CAMTA1: variants seen among roughly 807,000 people sequenced by gnomAD.
The protein encoded by CAMTA1 is calmodulin binding transcription activator 1, also known as calmodulin-binding transcription activator 1.
In CAMTA1, 27 loss-of-function variants were observed where a neutral mutation model predicts 170.9. The observed-to-expected ratio is 0.16, with a 90% confidence interval of 0.12 to 0.22. CAMTA1 has a LOEUF of 0.22. CAMTA1 is among the 10% of genes least tolerant of loss of function. CAMTA1 has a pLI of 1.00. For synonymous variants in CAMTA1, 833 were observed against 891.5 expected (o/e 0.93, Z 1.17); for missense variants, 1,619 against 2,217.2 (o/e 0.73, Z 5.42).
chr1:7,326,423 C>T (rs542171104), intron 5 of CAMTA1, among the ~76,000 whole-genome samples: 13 of 152,294 alleles, frequency 8.5e-5, no homozygotes, highest in Non-Finnish European at 1.8e-4. Flanking sequence ...AGTCCTAAGT[C>T]CCAGCACCTG....
intron 3 of CAMTA1, among the ~76,000 whole-genome samples, chr1:6,919,652 G>C (rs10864246): frequency 0.7 from 105,792 of 152,012 alleles, 37,031 homozygotes; most frequent in Admixed American, 0.76. Context: ...AAGACATACC[G>C]AAGACTGGGC....
intron 11 of CAMTA1, among the ~76,000 whole-genome samples, chr1:7,721,122 T>C (rs1311468105): frequency 6.6e-6 from 1 of 152,158 alleles, no homozygotes; most frequent in Non-Finnish European, 1.5e-5. Flanking sequence ...GTCCCTGCTT[T>C]CAAAAAGCTC....
At chr1:7,127,843 C>T (rs1645022239) in intron 4 of CAMTA1, among the ~76,000 whole-genome samples, 1 of 152,212 alleles carries the variant, frequency 6.6e-6, no homozygotes, top group African/African-American at 2.4e-5. Context: ...TCAGGCCTAT[C>T]CTTAGGAAGG....
intron 4 of CAMTA1, among the ~76,000 whole-genome samples, chr1:7,175,682 G>A (rs1376980823): frequency 4.6e-5 from 7 of 152,248 alleles, no homozygotes; most frequent in African/African-American, 1.7e-4. Flanking sequence ...TATCCCCTGG[G>A]ATCAAACCGT....
rs568537547 is a variant in CAMTA1, at chr1:7,421,238, C to T, written c.439-46592C>T. ...CATGATCTCAGTTCACTGCAACCTC[C>T]ACCTCCTGGATTCAAGCAATTCTCC... is the stretch of plus-strand genomic sequence containing the variant. On this transcript the variant is annotated intron_variant, in intron 5 of 22. Transcript: ENST00000303635. 2.6e-3 allele frequency among the ~76,000 whole-genome samples: 393 copies of T among 151,880 alleles called. 4 individuals are homozygous for T. Among genetic ancestry groups the T allele is most frequent in the African/African-American group, 9.0e-3 (373 of 41,398 alleles).
intron 5 of CAMTA1, among the ~76,000 whole-genome samples, chr1:7,269,874 G>A (rs1669441336): frequency 6.6e-6 from 1 of 152,046 alleles, no homozygotes; most frequent in Non-Finnish European, 1.5e-5. Flanking sequence ...AGAAGCAGGA[G>A]AAATACAAAG....
At chr1:6,851,565 A>G (rs1660363175) in intron 3 of CAMTA1, among the ~76,000 whole-genome samples, 1 of 152,202 alleles carries the variant, frequency 6.6e-6, no homozygotes, top group Non-Finnish European at 1.5e-5. Context: ...CCAGAAATCT[A>G]AGATAAGGAG....
chr1:7,616,640 G>A (rs1420090425), intron 6 of CAMTA1, among the ~76,000 whole-genome samples: 1 of 152,150 alleles, frequency 6.6e-6, no homozygotes, highest in East Asian at 1.9e-4. Flanking sequence ...GAATCCTGAG[G>A]GGGAATGGAG....
At chr1:7,423,856 A>G (rs1262181463) in intron 5 of CAMTA1, among the ~76,000 whole-genome samples, 1 of 152,182 alleles carries the variant, frequency 6.6e-6, no homozygotes, top group African/African-American at 2.4e-5. Context: ...CAGATGGAAA[A>G]TAAAGCAAGG....
chr1:7,166,201 G>A (rs2148797195), intron 4 of CAMTA1, among the ~76,000 whole-genome samples: 1 of 152,030 alleles, frequency 6.6e-6, no homozygotes, highest in Admixed American at 6.6e-5. Context: ...CGAGTAGCTG[G>A]GACTACAGGT....
rs1234912956 is a variant in CAMTA1 at position 7,633,135 on chromosome 1, G to A, written c.511-7265G>A. On this transcript the variant is annotated intron_variant, in intron 6 of 22. Coordinates refer to ENST00000303635, the MANE Select transcript of CAMTA1 (RefSeq NM_015215.4). The surrounding 1 kb of genome is among the most constrained non-coding windows in gnomAD (Gnocchi z 4.1). ...CTTTTGGAGGAAAGGCCCTCAGCTT[G>A]TCCCCCGTCCTCTCTTTGTCCCTGC... is the stretch of plus-strand genomic sequence containing the variant. Among the ~76,000 whole-genome samples the A allele has an allele frequency of 6.6e-6, 1 of 152,226 alleles. No homozygotes were observed. Among genetic ancestry groups the A allele is most frequent in the East Asian group, 1.9e-4 (1 of 5,188 alleles).
intron 6 of CAMTA1, among the ~76,000 whole-genome samples, chr1:7,526,001 G>T (rs1323800367): frequency 6.6e-6 from 1 of 151,566 alleles, no homozygotes. Flanking sequence ...ATTTAAGGTG[G>T]TACAAAAAAA....
chr1:7,649,548 C>T (rs967647070), intron 7 of CAMTA1, among the ~76,000 whole-genome samples: 3 of 151,694 alleles, frequency 2.0e-5, no homozygotes, highest in East Asian at 1.9e-4. Context: ...AGGGTGGGCA[C>T]GGAGAGGCTG....
chr1:6,975,118 G>A (rs540396669), intron 3 of CAMTA1, among the ~76,000 whole-genome samples: 1 of 152,314 alleles, frequency 6.6e-6, no homozygotes, highest in Non-Finnish European at 1.5e-5. Context: ...AGATGACGGG[G>A]CCTGCCTCGA....
chr1:6,899,552 GCGCACACACACA>G (rs1206999158), intron 3 of CAMTA1, among the ~76,000 whole-genome samples: 126 of 104,782 alleles, frequency 1.2e-3, no homozygotes, highest in African/African-American at 2.8e-3. Context: ...GCACGCGCGC[GCGCACACACACA>G]CACACACACA....
intron 4 of CAMTA1, among the ~76,000 whole-genome samples, chr1:7,094,209 G>A (rs1641803166): frequency 6.6e-6 from 1 of 152,160 alleles, no homozygotes; most frequent in African/African-American, 2.4e-5. Context: ...AACTTGCTGT[G>A]GTTGTTCAAG....
At chr1:7,678,139 A>G (rs2096142391) in intron 11 of CAMTA1, among the ~76,000 whole-genome samples, 1 of 152,214 alleles carries the variant, frequency 6.6e-6, no homozygotes, top group Admixed American at 6.5e-5. Flanking sequence ...GGAAGCAAAA[A>G]GGGTTCCCAG....
intron 1 of CAMTA1, among the ~76,000 whole-genome samples, chr1:6,808,634 G>A (rs1202815275): frequency 6.6e-6 from 1 of 152,190 alleles, no homozygotes; most frequent in East Asian, 1.9e-4. Context: ...GTTTGCATTG[G>A]AGTTGCTTGT....
At position 7,330,277 on chromosome 1, in the gene CAMTA1, G is replaced by A. The variant is rs191677547; in HGVS notation, c.438+80651G>A. The stretch of plus-strand genomic sequence containing the variant: ...AACAGAGGGTCCAAGACACCAGATG[G>A]CCAGCCCCCAGCACAGGCTTGTAAT... On this transcript the variant is annotated intron_variant, in intron 5 of 22. Transcript: ENST00000303635. Among the ~76,000 whole-genome samples, 3 of 152,304 alleles carry A rather than the reference G, an allele frequency of 2.0e-5. No homozygotes were observed. In the East Asian group the frequency reaches 5.8e-4, roughly 29 times the overall value.
Sources: gnomAD v4.1 joint callset for allele counts (sites outside exome capture counted in the v4.1 genomes callset) on GRCh38, gnomAD v4.1.1 for gene constraint, Gnocchi (gnomAD v3.1) non-coding constraint, MANE v1.5 for transcripts, NCBI Gene and HGNC (gene_info 2026-07-23, HGNC 2026-07-21) for gene names.